SOX5: variants seen among roughly 807,000 people sequenced by gnomAD.
SOX5 encodes SRY-box transcription factor 5.
In SOX5, 9 loss-of-function variants were observed where a neutral mutation model predicts 92.0. The observed-to-expected ratio is 0.10, with a 90% CI of 0.06 to 0.17. The LOEUF is 0.17. SOX5 is among the 10% of genes least tolerant of loss of function. The probability of loss-of-function intolerance (pLI) is 1.00; values close to 1 mark genes in which losing one functional copy is unlikely to be tolerated. For synonymous variants in SOX5, 344 were observed against 336.3 expected (o/e 1.02, Z -0.25); for missense variants, 642 against 944.5 (o/e 0.68, Z 4.20).
intron 4 of SOX5, among the ~76,000 whole-genome samples, chr12:24,039,678 T>G (rs186334197): frequency 2.5e-4 from 38 of 152,288 alleles, no homozygotes; most frequent in African/African-American, 9.1e-4. Flanking sequence ...TTCAAATCAA[T>G]AAAAATTTTG....
At chr12:24,116,171 T>C (rs888102109) in intron 4 of SOX5, among the ~76,000 whole-genome samples, 2 of 152,114 alleles carry the variant, frequency 1.3e-5, no homozygotes, top group African/African-American at 4.8e-5. Flanking sequence ...ATACCTAAAT[T>C]TCATCAGTCA....
In SOX5 at chr12:24,263,068, AG is replaced by A. The variant is rs1173296524; in HGVS notation, c.-77+14147del. Among the ~76,000 whole-genome samples, 5 of 145,024 alleles carry A rather than the reference AG, an allele frequency of 3.4e-5. No individual in the cohort carries two copies. In the Admixed American group the frequency reaches 3.5e-4, roughly 10 times the overall value. On this transcript the variant is annotated intron_variant, in intron 3 of 4. Coordinates refer to the SOX5 transcript ENST00000446891. ...GAAACCTTGTCTCTACAAAAAAAAA[AG>A]GAAAAAATTAGCCGGACATGATGGC...
chr12:23,643,959 G>GCAGA (rs2080482098), intron 7 of SOX5, among the ~76,000 whole-genome samples: 1 of 152,112 alleles, frequency 6.6e-6, no homozygotes, highest in Non-Finnish European at 1.5e-5. Flanking sequence ...AAGCTACTGT[G>GCAGA]CAGACAGCCC....
At chr12:23,934,299 T>C (rs1461772609) in intron 1 of SOX5, among the ~76,000 whole-genome samples, 5 of 151,180 alleles carry the variant, frequency 3.3e-5, no homozygotes, top group Non-Finnish European at 7.4e-5. Context: ...GCTATGGTTT[T>C]AGTTTTAGAA....
At chr12:23,607,326 G>A (rs2137610303) in intron 8 of SOX5, among the ~76,000 whole-genome samples, 1 of 152,266 alleles carries the variant, frequency 6.6e-6, no homozygotes, top group Non-Finnish European at 1.5e-5. Flanking sequence ...CATACTTTGA[G>A]TCTGCTCAGA....
At chr12:23,666,902 C>T (rs558538106) in intron 6 of SOX5, among the ~76,000 whole-genome samples, 135 of 152,284 alleles carry the variant, frequency 8.9e-4, no homozygotes, top group African/African-American at 2.8e-3. Flanking sequence ...CTTGTTTTCC[C>T]AGTCGCATTA....
At chr12:23,565,551 C>A (rs1946925970) in intron 10 of SOX5, among the ~76,000 whole-genome samples, 2 of 152,042 alleles carry the variant, frequency 1.3e-5, no homozygotes, top group Non-Finnish European at 2.9e-5. Context: ...TTTTTAGGGA[C>A]TGCCAAGATA....
chr12:23,720,777 A>C (rs2092771450), intron 6 of SOX5, among the ~76,000 whole-genome samples: 2 of 152,198 alleles, frequency 1.3e-5, no homozygotes, highest in Admixed American at 1.3e-4. Context: ...AAAACATTCA[A>C]ATATTGTTCC....
rs941767611 is a variant in SOX5 at position 23,703,728 on chromosome 12, A to G, written c.810+30956T>C. ...AAGCTTCCTCTTCATTTCTCAGGGG[A>G]CACACACACACACACACACACACAA... On this transcript the variant is annotated intron_variant, in intron 6 of 14. Coordinates refer to ENST00000451604, the MANE Select transcript of SOX5 (RefSeq NM_006940.6). 6.4e-5 allele frequency among the ~76,000 whole-genome samples: 3 copies of G among 46,934 alleles called. No individual in the cohort carries two copies. The South Asian group carries it at 1.5e-3, about 23-fold the overall frequency. The allele number at this position is 46,934 out of a possible 152,430, so 30.8% of individuals were successfully genotyped here. A position where few individuals can be genotyped will look rare whatever the true frequency, so the allele number is the denominator to read the frequency against.
chr12:23,916,494 C>T (rs948932759), intron 1 of SOX5, among the ~76,000 whole-genome samples: 1 of 152,122 alleles, frequency 6.6e-6, no homozygotes, highest in Non-Finnish European at 1.5e-5. Context: ...CTCCCCTCAG[C>T]TCATGGAGTA....
intron 1 of SOX5, among the ~76,000 whole-genome samples, chr12:23,896,533 T>C (rs1487539639): frequency 1.3e-5 from 2 of 152,166 alleles, no homozygotes; most frequent in Admixed American, 6.5e-5. Flanking sequence ...TGTAGAAATA[T>C]TGGTTATAAG....
intron 4 of SOX5, among the ~76,000 whole-genome samples, chr12:24,181,351 C>G (rs1955478352): frequency 6.6e-6 from 1 of 152,194 alleles, no homozygotes; most frequent in Admixed American, 6.5e-5. Flanking sequence ...ATTCTGTCAA[C>G]CAATCCTGCC....
chr12:23,708,076 A>T (rs1326449774), intron 6 of SOX5, among the ~76,000 whole-genome samples: 1 of 152,168 alleles, frequency 6.6e-6, no homozygotes, highest in East Asian at 1.9e-4. Flanking sequence ...TGGCTTAAGT[A>T]AGTGTAATAC....
chr12:24,239,877 A>C (rs992204329), intron 3 of SOX5, among the ~76,000 whole-genome samples: 2 of 152,188 alleles, frequency 1.3e-5, no homozygotes, highest in Non-Finnish European at 2.9e-5. Flanking sequence ...ATTCTCTTTG[A>C]AGCCGATGTC....
intron 4 of SOX5, among the ~76,000 whole-genome samples, chr12:24,161,434 C>A (rs1057215178): frequency 6.6e-6 from 1 of 152,006 alleles, no homozygotes; most frequent in African/African-American, 2.4e-5. Context: ...TCTGAATATA[C>A]CCATAGGATC....
chr12:23,735,431 T>C (rs1482316487), intron 5 of SOX5, among the ~76,000 whole-genome samples: 1 of 152,218 alleles, frequency 6.6e-6, no homozygotes, highest in Non-Finnish European at 1.5e-5. Flanking sequence ...ACTTTCTCTG[T>C]TGGCTTCTGT....
At chr12:24,309,916 T>G (rs1388682194) in intron 2 of SOX5, among the ~76,000 whole-genome samples, 1 of 152,184 alleles carries the variant, frequency 6.6e-6, no homozygotes, top group Non-Finnish European at 1.5e-5. Context: ...TGATAAGATC[T>G]TTTGATATGC....
intron 1 of SOX5, among the ~76,000 whole-genome samples, chr12:24,545,775 T>C (rs1355474138): frequency 6.6e-6 from 1 of 151,150 alleles, no homozygotes; most frequent in African/African-American, 2.4e-5. Context: ...TTTCCAAGAA[T>C]AGCCCTAGCT....
intron 6 of SOX5, among the ~76,000 whole-genome samples, chr12:23,675,280 A>G (rs943615310): frequency 6.6e-6 from 1 of 152,172 alleles, no homozygotes. Flanking sequence ...CTCTTCCCCA[A>G]AAGACTTACA....
Sources: allele counts gnomAD v4.1 joint callset (sites outside exome capture counted in the v4.1 genomes callset), GRCh38; gene constraint gnomAD v4.1.1; transcripts MANE v1.5; gene names NCBI Gene and HGNC (gene_info 2026-07-23, HGNC 2026-07-21).